Variants in NCKAP5L observed in about 807,000 individuals in gnomAD.
NCKAP5L encodes nck-associated protein 5-like.
NCKAP5L carries 54 observed loss-of-function variants against 103.2 expected under a neutral mutation model. The observed-to-expected ratio is 0.52, with a 90% confidence interval of 0.42 to 0.66. The LOEUF is 0.66. Among genes scored for constraint, NCKAP5L ranks in the 30% least tolerant of loss-of-function variants. NCKAP5L has a pLI of 0.00. For synonymous variants in NCKAP5L, 762 were observed against 748.6 expected (o/e 1.02, Z -0.29); for missense variants, 1,733 against 1,750.6 (o/e 0.99, Z 0.18).
At chr12:49,816,716 G>C (rs1946302041) in intron 1 of NCKAP5L, among the ~76,000 whole-genome samples, 1 of 151,410 alleles carries the variant, frequency 6.6e-6, no homozygotes, top group Non-Finnish European at 1.5e-5. Flanking sequence ...AGAATTGCTT[G>C]AACCTGAGAG....
Position 49,795,181 on chromosome 12 carries a change from C to T in NCKAP5L, c.2679G>A (p.Glu893=). 1 of 1,598,802 alleles carries T rather than the reference C, an allele frequency of 6.3e-7. No individual in the cohort carries two copies. The change falls in exon 8 of 13, where the codon GAG becomes GAA. Residue 893 remains glutamate, a synonymous_variant. Transcript: ENST00000335999. ...IEEKVMKGIE[E]NVLRLQGQER... Reference sequence around the variant, plus strand: ...CCTGGCCCTGGAGCCGCAGCACGTTCTCCTCAATGCCCTTCATCACCTTCT... The same window carrying T: ...CCTGGCCCTGGAGCCGCAGCACGTTTTCCTCAATGCCCTTCATCACCTTCT...
chr12:49,820,765 G>A (rs886945837), intron 1 of NCKAP5L, among the ~76,000 whole-genome samples: 5 of 152,342 alleles, frequency 3.3e-5, no homozygotes, highest in African/African-American at 1.2e-4. Context: ...ACGCTGGGAG[G>A]AGAAAACAGC....
Position 49,803,996 on chromosome 12 carries a change from G to C in NCKAP5L, c.49C>G (p.Pro17Ala). The stretch of plus-strand genomic sequence containing the variant: ...ATGCTGCCATCATCACCCTCTCCTG[G>C]CCTTGGGTTTCCAGGACCCCCAGCT... Reference protein sequence around the residue: ...QPAGGPGNPRPGEGDDGSMEP... With the variant: ...QPAGGPGNPRAGEGDDGSMEP... The change falls in exon 3 of 13, where the codon CCA (proline) becomes GCA (alanine). Residue 17 changes from proline to alanine, a missense_variant. Pro to Ala is a conservative substitution (Grantham distance 27). Transcript: ENST00000335999. 6.2e-7 allele frequency: 1 copy of C among 1,612,368 alleles called. No individual in the cohort carries two copies. The highest frequency in any genetic ancestry group is 8.5e-7 in the Non-Finnish European group (1 of 1,179,960).
intron 6 of NCKAP5L, 87 bp downstream of exon 6, chr12:49,801,761 G>A (rs1478540468): frequency 1.3e-6 from 2 of 1,518,642 alleles, no homozygotes; most frequent in Non-Finnish European, 1.8e-6. Context: ...GCTTCCCTAG[G>A]GGCACGTGAG....
At chr12:49,806,214 T>C (rs1946178555) in intron 1 of NCKAP5L, among the ~76,000 whole-genome samples, 173 bp from the exon 2 acceptor site, 1 of 152,054 alleles carries the variant, frequency 6.6e-6, no homozygotes, top group Admixed American at 6.6e-5. Flanking sequence ...CACTGAGAGA[T>C]GACAATTAAG....
At chr12:49,811,978 T>C (rs1946244812) in intron 1 of NCKAP5L, among the ~76,000 whole-genome samples, 1 of 152,176 alleles carries the variant, frequency 6.6e-6, no homozygotes, top group Non-Finnish European at 1.5e-5. Flanking sequence ...TATTTTTCAG[T>C]CCTCATTGCC....
At chr12:49,808,878 G>A (rs1021392537) in intron 1 of NCKAP5L, among the ~76,000 whole-genome samples, 9 of 152,196 alleles carry the variant, frequency 5.9e-5, no homozygotes, top group South Asian at 2.1e-4. Flanking sequence ...ACACAGTGCC[G>A]GCCAGGCAGG....
At chr12:49,799,578 A>G (rs542805239) in intron 6 of NCKAP5L, among the ~76,000 whole-genome samples, 19 of 152,138 alleles carry the variant, frequency 1.2e-4, no homozygotes, top group African/African-American at 4.6e-4. Flanking sequence ...CAGCCTCCCA[A>G]AATGTTGGGA....
chr12:49,793,393 T>C lies in NCKAP5L; in HGVS notation c.3299A>G (p.Glu1100Gly), dbSNP rs762230337. 6.2e-7 allele frequency: 1 copy of C among 1,608,760 alleles called. No homozygotes were observed. Among genetic ancestry groups the C allele is most frequent in the South Asian group, 1.1e-5 (1 of 91,082 alleles). The part of the protein sequence containing the change: ...EPGRREEMPS[E>G]DSLAEPVPTS... ...GGGCACTGGCTCGGCCAGGCTGTCC[T>C]CCGAGGGCATCTCTTCCCGCCTCCC... Residue 1100 changes from glutamate to glycine, a missense_variant, in exon 10 of 13, where the codon GAG becomes GGG. By Grantham distance (98) the Glu-to-Gly change is moderately conservative. Coordinates refer to ENST00000335999, the MANE Select transcript of NCKAP5L (RefSeq NM_001037806.4).
chr12:49,796,521 G>T lies in NCKAP5L; in HGVS notation c.1339C>A (p.Pro447Thr). 6.4e-7 allele frequency: 1 copy of T among 1,566,760 alleles called. No individual in the cohort carries two copies. Reference protein sequence around the residue: ...GPPSPGEAQGPLLPSPARGLK... With the variant: ...GPPSPGEAQGTLLPSPARGLK... ...CCCCTAGCTGGAGAGGGCAGAAGGGGTCCCTGAGCTTCCCCAGGAGAAGGG... is the reference window on the plus strand; with the variant it reads ...CCCCTAGCTGGAGAGGGCAGAAGGGTTCCCTGAGCTTCCCCAGGAGAAGGG... The change falls in exon 8 of 13, where the codon CCC (proline) becomes ACC (threonine). Residue 447 changes from proline to threonine, a missense_variant. Coordinates refer to ENST00000335999, the MANE Select transcript of NCKAP5L (RefSeq NM_001037806.4).
chr12:49,795,090 T>C lies in NCKAP5L; in HGVS notation c.2770A>G (p.Lys924Glu). The change falls in exon 8 of 13, where the codon AAG (lysine) becomes GAG (glutamate). Residue 924 changes from lysine (K) to glutamate (E), a missense_variant. By Grantham distance (56) the Lys-to-Glu change is moderately conservative. Transcript: ENST00000335999. ...TTCAGCGCTGGCAGCTTGCTCTTCT[T>C]AAGGCCGAACCAGCTGGCGATGCTG... ...TSSIASWFGL[K>E]KSKLPALNRR... 1 of 1,612,974 alleles carries C rather than the reference T, an allele frequency of 6.2e-7. No homozygotes were observed. The highest frequency in any genetic ancestry group is 8.5e-7 in the Non-Finnish European group (1 of 1,179,652).
At position 49,796,954 on chromosome 12, in the gene NCKAP5L, A is replaced by C. The variant is rs1470603246; in HGVS notation, c.906T>G (p.Ser302=). 1 of 1,604,584 alleles carries C rather than the reference A, an allele frequency of 6.2e-7. No individual in the cohort carries two copies. Among genetic ancestry groups the C allele is most frequent in the East Asian group, 2.2e-5 (1 of 44,618 alleles). Residue 302 remains serine, a synonymous_variant, in exon 8 of 13, where the codon TCT becomes TCG. Transcript: ENST00000335999. ...CAPGSSSSSS[S]DEAGDPNEAP... The stretch of plus-strand genomic sequence containing the variant: ...CCTCATTGGGGTCACCTGCCTCATC[A>C]GAAGAGGAGGAGGAGCTGCTGCCTG...
chr12:49,819,731 C>T (rs1419837326), intron 1 of NCKAP5L, among the ~76,000 whole-genome samples: 1 of 152,196 alleles, frequency 6.6e-6, no homozygotes, highest in African/African-American at 2.4e-5. Context: ...GGATAGATAG[C>T]TGTACTATGA....
At chr12:49,809,085 G>C (rs1366409636) in intron 1 of NCKAP5L, among the ~76,000 whole-genome samples, 1 of 152,050 alleles carries the variant, frequency 6.6e-6, no homozygotes, top group East Asian at 1.9e-4. Flanking sequence ...CGAGGAAGGA[G>C]GAAACTTGCT....
intron 2 of NCKAP5L, chr12:49,805,160 G>A (rs2720288): frequency 0.052 from 7,918 of 152,406 alleles, 389 homozygotes; most frequent in East Asian, 0.13. Context: ...GCTCCCAGGC[G>A]ATGCTCCTGC....
chr12:49,802,008 A>C, intron 5 of NCKAP5L, 41 bp from the exon 6 acceptor site: 1 of 1,608,768 alleles, frequency 6.2e-7, no homozygotes, highest in Non-Finnish European at 8.5e-7. Context: ...AGAGGTGAGG[A>C]TGGTGGGAGA....
chr12:49,802,019 G>A, intron 5 of NCKAP5L, 52 bp from the exon 6 acceptor site: 5 of 1,603,274 alleles, frequency 3.1e-6, no homozygotes, highest in South Asian at 1.1e-5. Context: ...TGGTGGGAGA[G>A]TGTCACAGTG....
intron 1 of NCKAP5L, among the ~76,000 whole-genome samples, chr12:49,808,466 G>T (rs748876365): frequency 6.6e-6 from 1 of 152,200 alleles, no homozygotes; most frequent in Admixed American, 6.5e-5. Flanking sequence ...TGGTGGGGAG[G>T]AGCACGGGCC....
chr12:49,823,012 G>C (rs1485376237), intron 1 of NCKAP5L, among the ~76,000 whole-genome samples: 2 of 150,944 alleles, frequency 1.3e-5, no homozygotes, highest in African/African-American at 2.5e-5. Context: ...TGGCCGGTCA[G>C]ATGAATGTGG....
Sources: allele counts gnomAD v4.1 joint callset (sites outside exome capture counted in the v4.1 genomes callset), GRCh38; gene constraint gnomAD v4.1.1; transcripts MANE v1.5; gene names NCBI Gene and HGNC (gene_info 2026-07-23, HGNC 2026-07-21).